Variants in AGAP1 observed in about 807,000 individuals in gnomAD.
The protein encoded by AGAP1 is ArfGAP with GTPase domain, ankyrin repeat and PH domain 1.
In AGAP1, 29 loss-of-function variants were observed where a neutral mutation model predicts 105.3. That is an observed-to-expected ratio of 0.28 (90% CI 0.21 to 0.38). AGAP1 has a LOEUF of 0.38. Ranked by LOEUF, AGAP1 falls within the 10% of genes least tolerant of loss-of-function variation. The probability of loss-of-function intolerance (pLI) is 1.00; values close to 1 mark genes in which losing one functional copy is unlikely to be tolerated. For synonymous variants in AGAP1, 509 were observed against 485.9 expected, an observed-to-expected ratio of 1.05 and a Z score of -0.63; for missense variants, 998 against 1,165.1, an observed-to-expected ratio of 0.86 and a Z score of 2.09.
chr2:236,047,470 T>C (rs990623491), intron 15 of AGAP1, among the ~76,000 whole-genome samples: 2 of 151,870 alleles, frequency 1.3e-5, no homozygotes, highest in African/African-American at 4.8e-5. Flanking sequence ...TGGTTCTGAC[T>C]GCGCTTTTCA....
chr2:235,861,414 T>C (rs952307133), intron 9 of AGAP1, among the ~76,000 whole-genome samples: 1 of 152,202 alleles, frequency 6.6e-6, no homozygotes, highest in Non-Finnish European at 1.5e-5. Context: ...ACAGGCACCA[T>C]TGAAATCTAC....
chr2:235,787,967 A>G lies in AGAP1; in HGVS notation c.674-9792A>G, dbSNP rs949028680. Among the ~76,000 whole-genome samples, 1 of 152,132 alleles carries G rather than the reference A, an allele frequency of 6.6e-6. No homozygotes were observed. Among genetic ancestry groups the G allele is most frequent in the African/African-American group, 2.4e-5 (1 of 41,420 alleles). On this transcript the variant is annotated intron_variant, in intron 6 of 17. Transcript: ENST00000304032. This position sits in a 1 kb window ranked among gnomAD's most constrained non-coding sequence, Gnocchi z 4.4. ...AGGCCAAGAGCATTGTAAGACCAAG[A>G]GCATGACCATGAACATTCTGGGACC...
chr2:235,884,326 A>G (rs994115277), intron 10 of AGAP1, among the ~76,000 whole-genome samples: 1 of 152,204 alleles, frequency 6.6e-6, no homozygotes, highest in African/African-American at 2.4e-5. Flanking sequence ...ATCATCCTCT[A>G]TACTTTTAAG....
chr2:235,536,080 G>A (rs984069278), intron 1 of AGAP1, among the ~76,000 whole-genome samples: 3 of 150,800 alleles, frequency 2.0e-5, no homozygotes, highest in African/African-American at 7.3e-5. Context: ...CCTTCTTTGC[G>A]GCTTTCTCAC....
At position 235,973,864 on chromosome 2, in the gene AGAP1, A is replaced by G. The variant is rs762932123; in HGVS notation, c.1645+5241A>G. Among the ~76,000 whole-genome samples, 7 of 152,172 alleles carry G rather than the reference A, an allele frequency of 4.6e-5. No individual in the cohort carries two copies. Among genetic ancestry groups the G allele is most frequent in the Admixed American group, 6.5e-5 (1 of 15,280 alleles). On this transcript the variant is annotated intron_variant, in intron 13 of 17. Coordinates refer to ENST00000304032, the MANE Select transcript of AGAP1 (RefSeq NM_001037131.3). This position sits in a 1 kb window ranked among gnomAD's most constrained non-coding sequence, Gnocchi z 4.7. ...ATTGCACCACGGCCCTGGATTCCCA[A>G]CCAGGTCCAAGTTCAAGGGTATGTG...
In AGAP1 at chr2:235,609,088, G is replaced by A. The variant is rs1946043754; in HGVS notation, c.164-100091G>A. ...TTGCACAGAGCTTTGTCATTGGGAA[G>A]GATGCTTATCACAGGGGGCTGATGA... On this transcript the variant is annotated intron_variant, in intron 1 of 17. Transcript: ENST00000304032. The surrounding 1 kb of genome is among the most constrained non-coding windows in gnomAD (Gnocchi z 5.1). Among the ~76,000 whole-genome samples the A allele has an allele frequency of 6.6e-6, 1 of 152,156 alleles. No homozygotes were observed. The highest frequency in any genetic ancestry group is 2.1e-4 in the South Asian group (1 of 4,826).
intron 9 of AGAP1, among the ~76,000 whole-genome samples, chr2:235,880,131 C>T (rs1252030431): frequency 6.7e-6 from 1 of 148,628 alleles, no homozygotes; most frequent in Non-Finnish European, 1.5e-5. Flanking sequence ...AATTTAGTTC[C>T]TCAGAAAGCT....
At chr2:236,111,753 C>T (rs1378928550) in intron 16 of AGAP1, among the ~76,000 whole-genome samples, 1 of 150,414 alleles carries the variant, frequency 6.6e-6, no homozygotes, top group East Asian at 2.0e-4. Flanking sequence ...GGTCAAGCCA[C>T]TGCGCTCCAG....
chr2:235,972,134 T>G (rs1250588662), intron 13 of AGAP1, among the ~76,000 whole-genome samples: 1 of 152,206 alleles, frequency 6.6e-6, no homozygotes, highest in Non-Finnish European at 1.5e-5. Flanking sequence ...TGCCTCTCTT[T>G]CCTGCAAGGC....
chr2:235,694,200 C>T (rs990119290), intron 1 of AGAP1, among the ~76,000 whole-genome samples: 21 of 148,700 alleles, frequency 1.4e-4, no homozygotes, highest in Non-Finnish European at 1.9e-4. Flanking sequence ...AAAAATTTGG[C>T]CAGGCATGGT....
intron 1 of AGAP1, among the ~76,000 whole-genome samples, chr2:235,619,904 G>A (rs1171132740): frequency 6.6e-6 from 1 of 152,130 alleles, no homozygotes. Context: ...CAGACTATAT[G>A]CTGGGCTTGG....
chr2:235,817,894 A>G (rs756937742), intron 9 of AGAP1, among the ~76,000 whole-genome samples: 1 of 152,230 alleles, frequency 6.6e-6, no homozygotes, highest in East Asian at 1.9e-4. Flanking sequence ...CTGTCTCAAA[A>G]AAAAGAAGAG....
rs766535202 is a variant in AGAP1 at position 235,719,473 on chromosome 2, A to C, written c.310+1829A>C. Among the ~76,000 whole-genome samples the C allele has an allele frequency of 9.2e-5, 14 of 152,174 alleles. No homozygotes were observed. Among genetic ancestry groups the C allele is most frequent in the Non-Finnish European group, 1.9e-4 (13 of 68,038 alleles). Reference sequence around the variant, plus strand: ...ATTTCTCTTGAACGTTTATACATCAAAAGGAAGGATTGTGGGGTGACCTAA... The same window carrying C: ...ATTTCTCTTGAACGTTTATACATCACAAGGAAGGATTGTGGGGTGACCTAA... On this transcript the variant is annotated intron_variant, in intron 3 of 17. Coordinates refer to ENST00000304032, the MANE Select transcript of AGAP1 (RefSeq NM_001037131.3). This position sits in a 1 kb window ranked among gnomAD's most constrained non-coding sequence, Gnocchi z 4.9.
intron 5 of AGAP1, among the ~76,000 whole-genome samples, chr2:235,748,899 A>G (rs2149702928): frequency 6.6e-6 from 1 of 152,348 alleles, no homozygotes; most frequent in Non-Finnish European, 1.5e-5. Context: ...CCTATGAAAA[A>G]GATTCAGGTT....
chr2:236,033,068 A>G (rs959406614), intron 13 of AGAP1, among the ~76,000 whole-genome samples: 2 of 152,136 alleles, frequency 1.3e-5, no homozygotes, highest in African/African-American at 2.4e-5. Context: ...CAACATGGTG[A>G]AACCCTGTCT....
Position 236,076,102 on chromosome 2 carries a change from A to G in AGAP1, c.2114+26821A>G, listed in dbSNP as rs1175920138. Among the ~76,000 whole-genome samples, 1 of 152,174 alleles carries G rather than the reference A, an allele frequency of 6.6e-6. No homozygotes were observed. Among genetic ancestry groups the G allele is most frequent in the East Asian group, 1.9e-4 (1 of 5,180 alleles). On this transcript the variant is annotated intron_variant, in intron 16 of 17. Coordinates refer to ENST00000304032, the MANE Select transcript of AGAP1 (RefSeq NM_001037131.3). This position sits in a 1 kb window ranked among gnomAD's most constrained non-coding sequence, Gnocchi z 4.4. ...CCTCCTTCAGAGACACCCCTCAATC[A>G]GATCTAGGAATTGAAAGTCAGATTG...
intron 1 of AGAP1, among the ~76,000 whole-genome samples, chr2:235,548,988 C>T (rs1283483457): frequency 6.6e-6 from 1 of 152,202 alleles, no homozygotes; most frequent in South Asian, 2.1e-4. Context: ...TGGAGCGGAC[C>T]TGCCCTGCTT....
intron 8 of AGAP1, among the ~76,000 whole-genome samples, chr2:235,805,959 A>G (rs1957815676): frequency 6.6e-6 from 1 of 152,216 alleles, no homozygotes; most frequent in Non-Finnish European, 1.5e-5. Flanking sequence ...ACAGCTGCCC[A>G]GGAGAGTAGC....
At position 235,970,878 on chromosome 2, in the gene AGAP1, A is replaced by C. The variant is rs2054615744; in HGVS notation, c.1645+2255A>C. Among the ~76,000 whole-genome samples, 1 of 152,216 alleles carries C rather than the reference A, an allele frequency of 6.6e-6. No homozygotes were observed. The highest frequency in any genetic ancestry group is 2.1e-4 in the South Asian group (1 of 4,832). ...GGATGGTATGTGTGTGCGAGGCAAT[A>C]GTGGATACCCAGGCTGAGACACGGG... On this transcript the variant is annotated intron_variant, in intron 13 of 17. Coordinates refer to ENST00000304032, the MANE Select transcript of AGAP1 (RefSeq NM_001037131.3). This position sits in a 1 kb window ranked among gnomAD's most constrained non-coding sequence, Gnocchi z 5.4.
Sources: gnomAD v4.1 joint callset for allele counts (sites outside exome capture counted in the v4.1 genomes callset) on GRCh38, gnomAD v4.1.1 for gene constraint, Gnocchi (gnomAD v3.1) non-coding constraint, MANE v1.5 for transcripts, NCBI Gene and HGNC (gene_info 2026-07-23, HGNC 2026-07-21) for gene names.